FANCM: variants seen among roughly 807,000 people sequenced by gnomAD.
FANCM encodes Fanconi anemia group M protein.
Under a neutral mutation model 199.5 loss-of-function variants are expected in FANCM, and 140 were observed. The ratio of observed to expected loss-of-function variants is 0.70; its 90% CI spans 0.61 to 0.81. FANCM has a LOEUF of 0.81. Among genes scored for constraint, FANCM ranks in the 30% least tolerant of loss-of-function variants. FANCM has a pLI of 0.00. For missense variants in FANCM, 2,410 were observed against 2,421.4 expected (o/e 1.00, Z 0.10); for synonymous variants, 840 against 836.8 (o/e 1.00, Z -0.07).
intron 9 of FANCM, among the ~76,000 whole-genome samples, chr14:45,163,354 T>C (rs1443805158): frequency 2.0e-5 from 3 of 152,202 alleles, no homozygotes; most frequent in Admixed American, 1.3e-4. Flanking sequence ...ATAGTAGCTA[T>C]CATTATTTAT....
At chr14:45,192,380 G>A (rs557225228) in intron 20 of FANCM, among the ~76,000 whole-genome samples, 171 of 152,312 alleles carry the variant, frequency 1.1e-3, no homozygotes, top group Non-Finnish European at 2.1e-3. Context: ...AGTGGCTTAC[G>A]CCTATAATCC....
At chr14:45,185,482 G>A in intron 18 of FANCM, 109 bp downstream of exon 18, 2 of 614,822 alleles carry the variant, frequency 3.3e-6, no homozygotes, top group East Asian at 2.9e-5. Flanking sequence ...AATTAAATGT[G>A]GTACGTGCAA....
At position 45,164,368 on chromosome 14, in the gene FANCM, C is replaced by G. The variant is rs1447482674; in HGVS notation, c.1591C>G (p.Gln531Glu). ...ATTGTTTTTATTTTAGGTAGTGAAA[C>G]AGTTTCGTGACGGTGGTTACAACAC... ...TQKEQLEVVK[Q>E]FRDGGYNTLV... Residue 531 changes from glutamine to glutamate, a missense_variant, in exon 10 of 23, where the codon CAG (glutamine) becomes GAG (glutamate). Transcript: ENST00000267430. The G allele has an allele frequency of 6.2e-7, 1 of 1,611,614 alleles. No homozygotes were observed. The highest frequency in any genetic ancestry group is 8.5e-7 in the Non-Finnish European group (1 of 1,178,930).
rs112326758 is a variant in FANCM, at chr14:45,159,080, TTATA to T, written c.1397-5_1397-2del. The T allele has an allele frequency of 6.9e-6, 10 of 1,440,512 alleles. No individual in the cohort carries two copies. The highest frequency in any genetic ancestry group is 5.0e-5 in the East Asian group (2 of 39,616). The allele number at this position is 1,440,512 out of a possible 1,614,324, so 89.2% of individuals were successfully genotyped here. On this transcript the variant is annotated splice_polypyrimidine_tract_variant and intron_variant, in intron 8 of 22. Transcript: ENST00000267430. ...TTGTAAAAAGTTGTAATTAAAGTTT[TTATA>T]TATATATATAGCTGAAAACACTACT...
rs754103801 is a variant in FANCM, at chr14:45,170,759, T to C, written c.2160+13T>C. ...GGAAAACAAACCAGTAAGTTGAATA[T>C]ATTTTCAGATGTTCTTTTCCCCCCC... On this transcript the variant is annotated intron_variant, in intron 12 of 22. Transcript: ENST00000267430. The C allele has an allele frequency of 6.2e-7, 1 of 1,604,690 alleles. No homozygotes were observed. Among genetic ancestry groups the C allele is most frequent in the Non-Finnish European group, 8.5e-7 (1 of 1,172,368 alleles).
At chr14:45,182,151 C>T (rs1223020731) in intron 16 of FANCM, among the ~76,000 whole-genome samples, 1 of 152,122 alleles carries the variant, frequency 6.6e-6, no homozygotes, top group Non-Finnish European at 1.5e-5. Flanking sequence ...TAACCTCGAT[C>T]TCGGGAGTTC....
In FANCM at chr14:45,198,927, G is replaced by A; in HGVS notation, c.6000G>A (p.Met2000Ile). ...MCHQFSSVKR[M>I]ANSSLQEISM... ...ACCAGTTTTCATCTGTGAAAAGGAT[G>A]GCTAACAGGTATGTCTGTTGTAATA... The change falls in exon 22 of 23, where the codon ATG (methionine) becomes ATA (isoleucine). Residue 2000 changes from methionine to isoleucine, a missense_variant. Transcript: ENST00000267430. 1 of 1,603,614 alleles carries A rather than the reference G, an allele frequency of 6.2e-7. No individual in the cohort carries two copies. The highest frequency in any genetic ancestry group is 8.5e-7 in the Non-Finnish European group (1 of 1,171,036).
At chr14:45,170,375 A>G (rs1422084740) in intron 11 of FANCM, among the ~76,000 whole-genome samples, 1 of 152,174 alleles carries the variant, frequency 6.6e-6, no homozygotes, top group Non-Finnish European at 1.5e-5. Context: ...AAAAATAAGA[A>G]AAGTAGATGG....
intron 8 of FANCM, among the ~76,000 whole-genome samples, chr14:45,158,303 A>T (rs1321039691): frequency 1.3e-5 from 2 of 152,206 alleles, no homozygotes; most frequent in Non-Finnish European, 2.9e-5. Flanking sequence ...AATCCATATT[A>T]GATATGAAGA....
At chr14:45,179,986 C>T (rs1409590527) in intron 14 of FANCM, among the ~76,000 whole-genome samples, 5 of 152,164 alleles carry the variant, frequency 3.3e-5, no homozygotes, top group African/African-American at 1.2e-4. Flanking sequence ...AACTAACCTT[C>T]CTACAATTTC....
chr14:45,164,105 T>C (rs1887790384), intron 9 of FANCM, among the ~76,000 whole-genome samples: 1 of 152,132 alleles, frequency 6.6e-6, no homozygotes, highest in Non-Finnish European at 1.5e-5. Context: ...ACCATCATGC[T>C]GGGCTAGTTT....
rs763486658 is a variant in FANCM at position 45,136,142 on chromosome 14, C to T, written c.111C>T (p.Ser37=). 5 of 1,614,054 alleles carry T rather than the reference C, an allele frequency of 3.1e-6. No homozygotes were observed. The highest frequency in any genetic ancestry group is 1.7e-5 in the Admixed American group (1 of 60,008). ...SGTERPQSPG[S]SKAPLPAAAE... is the part of the protein sequence containing the mutation. ...CTGAGCGACCTCAGAGCCCTGGCAGCTCCAAGGCGCCTTTGCCAGCAGCAG... is the reference window on the plus strand; with the variant it reads ...CTGAGCGACCTCAGAGCCCTGGCAGTTCCAAGGCGCCTTTGCCAGCAGCAG... Residue 37 remains serine (S), a synonymous_variant, in exon 1 of 23, where the codon AGC becomes AGT. Transcript: ENST00000267430.
At position 45,173,092 on chromosome 14, in the gene FANCM, T is replaced by C. The variant is rs1204713146; in HGVS notation, c.2198T>C (p.Leu733Pro). The C allele has an allele frequency of 6.2e-7, 1 of 1,611,840 alleles. No homozygotes were observed. The highest frequency in any genetic ancestry group is 8.5e-7 in the Non-Finnish European group (1 of 1,178,006). ...ACCACTGGAATTCATCAACTCTCTC[T>C]CTCTGAATGGAGACTGTGGCAAGAT... ...ESTTGIHQLSLSEWRLWQDHP... is the reference protein window; with the variant it reads ...ESTTGIHQLSPSEWRLWQDHP... Residue 733 changes from leucine (L) to proline (P), a missense_variant, in exon 13 of 23, where the codon CTC becomes CCC. Leu to Pro is a moderately conservative substitution (Grantham distance 98). Coordinates refer to ENST00000267430, the MANE Select transcript of FANCM (RefSeq NM_020937.4).
chr14:45,177,007 T>C (rs1210403045), intron 14 of FANCM, 31 bp downstream of exon 14: 11 of 1,347,668 alleles, frequency 8.2e-6, no homozygotes, highest in Admixed American at 1.7e-5. Flanking sequence ...AGTCTATAAC[T>C]CTTTCTAGAA....
At chr14:45,171,105 A>G (rs1003133294) in intron 12 of FANCM, among the ~76,000 whole-genome samples, 2 of 147,134 alleles carry the variant, frequency 1.4e-5, no homozygotes, top group African/African-American at 5.0e-5. Context: ...TTGCTTGACT[A>G]TTTACCTATT....
intron 11 of FANCM, among the ~76,000 whole-genome samples, chr14:45,167,617 A>G (rs1015186456): frequency 3.9e-5 from 6 of 152,202 alleles, no homozygotes; most frequent in African/African-American, 7.2e-5. Context: ...ACCATTTGCT[A>G]TACATTCCTT....
chr14:45,168,314 A>G (rs942123346), intron 11 of FANCM, among the ~76,000 whole-genome samples: 1 of 152,192 alleles, frequency 6.6e-6, no homozygotes, highest in African/African-American at 2.4e-5. Flanking sequence ...GATTTTGCCA[A>G]TTATTTGGTT....
chr14:45,198,762 A>G lies in FANCM; in HGVS notation c.5835A>G (p.Leu1945=), dbSNP rs752621594. The G allele has an allele frequency of 2.7e-5, 44 of 1,613,956 alleles. 1 individual carries two copies. The South Asian group carries it at 4.3e-4, about 16-fold the overall frequency. ...GCCAAGAAGAAACCGCAGATTTGCT[A>G]AAGGAACTGTCTTTAGTGGAACAAA... ...SSCQEETADL[L]KELSLVEQRK... Residue 1945 remains leucine (L), a synonymous_variant, in exon 22 of 23, where the codon CTA becomes CTG. Transcript: ENST00000267430.
chr14:45,198,558 T>A, intron 21 of FANCM, 86 bp from the exon 22 acceptor site: 22 of 674,576 alleles, frequency 3.3e-5, no homozygotes, highest in East Asian at 1.1e-4. Flanking sequence ...GTGTAGATCT[T>A]GGGATTTTAA....
Sources: allele counts gnomAD v4.1 joint callset (sites outside exome capture counted in the v4.1 genomes callset), GRCh38; gene constraint gnomAD v4.1.1; transcripts MANE v1.5; gene names NCBI Gene and HGNC (gene_info 2026-07-23, HGNC 2026-07-21).